The following GLIS1 variants were observed in gnomAD, a reference collection of about 807,000 sequenced individuals.
The protein encoded by GLIS1 is GLIS family zinc finger 1.
In GLIS1, 24 loss-of-function variants were observed where a neutral mutation model predicts 63.8. The ratio of observed to expected loss-of-function variants is 0.38; its 90% confidence interval spans 0.27 to 0.53. The LOEUF is 0.53. GLIS1 is among the 20% of genes least tolerant of loss of function. The pLI, the probability that GLIS1 is intolerant of heterozygous loss-of-function variation, is 0.85. For missense variants in GLIS1, 1,036 were observed against 1,074.1 expected (o/e 0.96, Z 0.50); for synonymous variants, 450 against 482.5 (o/e 0.93, Z 0.88).
At chr1:53,525,744 G>A (rs573412447) in intron 5 of GLIS1, among the ~76,000 whole-genome samples, 24 of 151,842 alleles carry the variant, frequency 1.6e-4, no homozygotes, top group Non-Finnish European at 2.5e-4. Context: ...GCCATCTCCC[G>A]GCACCGCAGG....
At chr1:53,633,204 G>T (rs540285103) in intron 2 of GLIS1, among the ~76,000 whole-genome samples, 3 of 148,278 alleles carry the variant, frequency 2.0e-5, no homozygotes, top group African/African-American at 7.5e-5. Context: ...GTGTGAATGT[G>T]ACTGAGGAGT....
rs1646268548 is a variant in GLIS1, at chr1:53,680,946, G to A, written c.259+56860C>T. 3.3e-5 allele frequency among the ~76,000 whole-genome samples: 5 copies of A among 152,204 alleles called. No individual in the cohort carries two copies. In the South Asian group the frequency reaches 1.0e-3, roughly 31 times the overall value. On this transcript the variant is annotated intron_variant, in intron 2 of 10. Transcript: ENST00000628545. ...TTCTCCACAAGACGGCACACATGTG[G>A]CCACTGCCCAACACATCTACCCTGA...
chr1:53,561,563 C>T (rs911008741), intron 4 of GLIS1, among the ~76,000 whole-genome samples: 6 of 152,296 alleles, frequency 3.9e-5, no homozygotes, highest in Admixed American at 3.3e-4. Context: ...CAAACACTGC[C>T]GGAGAAGAGA....
intron 2 of GLIS1, among the ~76,000 whole-genome samples, chr1:53,625,195 TGAG>T (rs1645582275): frequency 6.6e-6 from 1 of 152,204 alleles, no homozygotes; most frequent in Non-Finnish European, 1.5e-5. Context: ...AAAAATTCCC[TGAG>T]GAGATGACTC....
At chr1:53,592,716 C>G (rs1159980352) in intron 4 of GLIS1, among the ~76,000 whole-genome samples, 3 of 152,236 alleles carry the variant, frequency 2.0e-5, no homozygotes, top group Admixed American at 6.5e-5. Flanking sequence ...GTCCAATGCA[C>G]TCTCCCCACC....
At chr1:53,732,737 T>C (rs1344413364) in intron 2 of GLIS1, among the ~76,000 whole-genome samples, 1 of 151,790 alleles carries the variant, frequency 6.6e-6, no homozygotes, top group Non-Finnish European at 1.5e-5. Flanking sequence ...AAAAATAAAC[T>C]ACCCCCCACC....
rs371802799 is a variant in GLIS1 at position 53,728,236 on chromosome 1, T to TA, written c.259+9569dup. ...AGGAGGTGGCATTTGAGCTGGGTCTTAAAGAATCAGTAGGGTCAATCTGGT... is the reference window on the plus strand; with the variant it reads ...AGGAGGTGGCATTTGAGCTGGGTCTTAAAAGAATCAGTAGGGTCAATCTGGT... On this transcript the variant is annotated intron_variant, in intron 2 of 10. Transcript: ENST00000628545. 4.0e-3 allele frequency among the ~76,000 whole-genome samples: 608 copies of TA among 152,268 alleles called. 7 individuals carry two copies. Among genetic ancestry groups the TA allele is most frequent in the African/African-American group, 0.014 (595 of 41,540 alleles).
intron 4 of GLIS1, among the ~76,000 whole-genome samples, chr1:53,568,221 G>T (rs1366404358): frequency 1.3e-5 from 2 of 152,226 alleles, no homozygotes; most frequent in African/African-American, 4.8e-5. Context: ...GATTATTTCA[G>T]AGCTTTAAGA....
intron 2 of GLIS1, among the ~76,000 whole-genome samples, chr1:53,634,176 A>G (rs150544507): frequency 1.1e-3 from 162 of 152,320 alleles, no homozygotes; most frequent in African/African-American, 3.7e-3. Context: ...TGGTCACAAA[A>G]GTTTTAGACA....
At chr1:53,675,037 C>T (rs1646197062) in intron 2 of GLIS1, among the ~76,000 whole-genome samples, 1 of 152,200 alleles carries the variant, frequency 6.6e-6, no homozygotes, top group Non-Finnish European at 1.5e-5. Context: ...GAATTCAGCT[C>T]TCCTCACTCA....
chr1:53,543,408 G>A (rs1406060138), intron 4 of GLIS1, among the ~76,000 whole-genome samples: 1 of 152,206 alleles, frequency 6.6e-6, no homozygotes, highest in African/African-American at 2.4e-5. Context: ...CCTAGATGAG[G>A]AGACAGAGGC....
At chr1:53,628,402 G>A (rs1053121216) in intron 2 of GLIS1, among the ~76,000 whole-genome samples, 1 of 152,120 alleles carries the variant, frequency 6.6e-6, no homozygotes, top group Non-Finnish European at 1.5e-5. Flanking sequence ...TCTACCAAGG[G>A]CAGGAGAGCC....
chr1:53,685,456 A>G (rs1336817804), intron 2 of GLIS1, among the ~76,000 whole-genome samples: 4 of 152,180 alleles, frequency 2.6e-5, no homozygotes, highest in African/African-American at 4.8e-5. Context: ...CTCCTCGGCA[A>G]TGTTTAATCA....
At chr1:53,677,250 G>A (rs545051903) in intron 2 of GLIS1, among the ~76,000 whole-genome samples, 22 of 152,318 alleles carry the variant, frequency 1.4e-4, no homozygotes, top group African/African-American at 5.3e-4. Flanking sequence ...TTTCACCAAC[G>A]AACAAAATTG....
rs943404555 is a variant in GLIS1 at position 53,598,725 on chromosome 1, A to G, written c.437+1376T>C. ...TTCTGTTGTTTAAACCACCTAGTCCATGGCATTTGCTATGGCAGCCTAAAC... is the reference window on the plus strand; with the variant it reads ...TTCTGTTGTTTAAACCACCTAGTCCGTGGCATTTGCTATGGCAGCCTAAAC... On this transcript the variant is annotated intron_variant, in intron 3 of 10. Coordinates refer to ENST00000628545, the MANE Select transcript of GLIS1 (RefSeq NM_001367484.1). The surrounding 1 kb of genome is among the most constrained non-coding windows in gnomAD (Gnocchi z 4.6). Among the ~76,000 whole-genome samples the G allele has an allele frequency of 2.6e-5, 4 of 152,228 alleles. No homozygotes were observed. Among genetic ancestry groups the G allele is most frequent in the Admixed American group, 2.0e-4 (3 of 15,284 alleles).
intron 10 of GLIS1, among the ~76,000 whole-genome samples, chr1:53,507,515 C>T (rs866694872): frequency 5.3e-5 from 8 of 152,206 alleles, no homozygotes; most frequent in South Asian, 2.1e-4. Context: ...AGCCCCTGCC[C>T]GAAAGGCCTG....
intron 2 of GLIS1, among the ~76,000 whole-genome samples, chr1:53,655,645 TG>T (rs1322000675): frequency 6.6e-6 from 1 of 152,194 alleles, no homozygotes; most frequent in East Asian, 1.9e-4. Flanking sequence ...ACAGACGTTC[TG>T]GGCACCCCCA....
chr1:53,534,796 G>T (rs975207177), intron 4 of GLIS1, among the ~76,000 whole-genome samples: 8 of 151,992 alleles, frequency 5.3e-5, no homozygotes, highest in African/African-American at 1.9e-4. Context: ...GCCCCTCTGT[G>T]TGCCTGGCAG....
chr1:53,636,787 A>G (rs1645725685), intron 2 of GLIS1, among the ~76,000 whole-genome samples: 1 of 151,860 alleles, frequency 6.6e-6, no homozygotes, highest in Admixed American at 6.6e-5. Flanking sequence ...GAGCCCATGC[A>G]CTCACCTGCA....
Sources: gnomAD v4.1 joint callset for allele counts (sites outside exome capture counted in the v4.1 genomes callset) on GRCh38, gnomAD v4.1.1 for gene constraint, Gnocchi (gnomAD v3.1) non-coding constraint, MANE v1.5 for transcripts, NCBI Gene and HGNC (gene_info 2026-07-23, HGNC 2026-07-21) for gene names.